VRK3: variants seen among roughly 807,000 people sequenced by gnomAD.
VRK3 encodes the protein serine/threonine-protein kinase VRK3.
In VRK3, 50 loss-of-function variants were observed where a neutral mutation model predicts 60.4. The ratio of observed to expected loss-of-function variants is 0.83; its 90% confidence interval spans 0.66 to 1.05. The LOEUF (loss-of-function observed/expected upper bound fraction) is 1.05, where lower values mean the gene tolerates loss of function less well. VRK3 is among the 50% of genes least tolerant of loss of function. The pLI is 0.00. For missense variants in VRK3, 549 were observed against 585.3 expected (o/e 0.94, Z 0.64); for synonymous variants, 246 against 227.8 (o/e 1.08, Z -0.72).
intron 12 of VRK3, 170 bp from the exon 13 acceptor site, chr19:49,981,183 T>C: frequency 1.5e-6 from 1 of 651,164 alleles, no homozygotes; most frequent in Non-Finnish European, 2.7e-6. Context: ...ACCAATCCAC[T>C]ACCATTGCTC....
intron 4 of VRK3, 60 bp downstream of exon 4, chr19:50,009,176 C>G (rs2076953705): frequency 6.4e-7 from 1 of 1,561,020 alleles, no homozygotes; most frequent in Non-Finnish European, 8.7e-7. Context: ...TCCCAAAGAT[C>G]ATCAGATGAC....
At chr19:49,983,399 C>T (rs1045602239) in intron 12 of VRK3, among the ~76,000 whole-genome samples, 12 of 152,342 alleles carry the variant, frequency 7.9e-5, no homozygotes, top group African/African-American at 1.4e-4. Flanking sequence ...CCCCTCCAGG[C>T]GGAGGAACTC....
At chr19:49,984,657 G>A (rs2076482419) in intron 12 of VRK3, among the ~76,000 whole-genome samples, 2 of 152,088 alleles carry the variant, frequency 1.3e-5, no homozygotes, top group African/African-American at 4.8e-5. Flanking sequence ...TTTTGAGACA[G>A]GGTCTCACTA....
intron 2 of VRK3, among the ~76,000 whole-genome samples, chr19:50,019,505 G>A (rs576751076): frequency 6.6e-6 from 1 of 151,554 alleles, no homozygotes; most frequent in Non-Finnish European, 1.5e-5. Context: ...TAGCCAGACT[G>A]TACACTTCTT....
At chr19:49,988,576 C>T (rs2076558110) in intron 11 of VRK3, 84 bp from the exon 12 acceptor site, 2 of 1,522,352 alleles carry the variant, frequency 1.3e-6, no homozygotes, top group Non-Finnish European at 1.8e-6. Flanking sequence ...TCCCCTCTCT[C>T]TCACTGACTC....
intron 7 of VRK3, among the ~76,000 whole-genome samples, chr19:49,995,955 G>T (rs750852890): frequency 6.6e-6 from 1 of 151,130 alleles, no homozygotes; most frequent in Non-Finnish European, 1.5e-5. Context: ...TGGAGTCTTC[G>T]TCTGTCACCA....
At chr19:49,997,876 C>T (rs146221406) in intron 6 of VRK3, 5 of 240,562 alleles carry the variant, frequency 2.1e-5, no homozygotes, top group Non-Finnish European at 3.2e-5. Flanking sequence ...TGACCAAGTT[C>T]TGGCCAATGA....
At chr19:50,009,093 G>A in intron 4 of VRK3, 143 bp downstream of exon 4, 1 of 996,584 alleles carries the variant, frequency 1.0e-6, no homozygotes, top group Non-Finnish European at 1.5e-6. Flanking sequence ...GGAGATGGGA[G>A]GCTGGGGAAG....
intron 14 of VRK3, among the ~76,000 whole-genome samples, chr19:49,977,920 G>A (rs768173649): frequency 3.9e-5 from 6 of 152,134 alleles, no homozygotes; most frequent in Non-Finnish European, 7.3e-5. Flanking sequence ...TCCACGAATC[G>A]CTTGACACAC....
At chr19:49,981,449 G>A (rs977916640) in intron 12 of VRK3, among the ~76,000 whole-genome samples, 2 of 152,206 alleles carry the variant, frequency 1.3e-5, no homozygotes, top group Non-Finnish European at 2.9e-5. Flanking sequence ...GGAGGCTGAG[G>A]CAGGAGAATG....
chr19:50,003,323 G>A (rs1212609708), intron 5 of VRK3, among the ~76,000 whole-genome samples: 2 of 152,238 alleles, frequency 1.3e-5, no homozygotes, highest in Non-Finnish European at 2.9e-5. Flanking sequence ...ATAAGCATGT[G>A]CTGTGTTAAA....
chr19:50,003,361 G>A (rs187182225), intron 5 of VRK3, among the ~76,000 whole-genome samples: 133 of 152,324 alleles, frequency 8.7e-4, no homozygotes, highest in Non-Finnish European at 1.5e-3. Context: ...TTGTTACAGC[G>A]GCCACAGGAA....
intron 1 of VRK3, among the ~76,000 whole-genome samples, chr19:50,022,638 A>G (rs2077189684): frequency 6.6e-6 from 1 of 151,780 alleles, no homozygotes; most frequent in African/African-American, 2.4e-5. Flanking sequence ...AAGTACAAAA[A>G]AAAAAATCAG....
In VRK3 at chr19:49,988,254, G is replaced by A. The variant is rs1294470495; in HGVS notation, c.1217+118C>T. 34 of 1,456,068 alleles carry A rather than the reference G, an allele frequency of 2.3e-5. No individual in the cohort carries two copies. In the Admixed American group the frequency reaches 6.7e-4, roughly 29 times the overall value. 90.2% of individuals were successfully genotyped at this position (1,456,068 alleles called of 1,614,324 possible). A position where few individuals can be genotyped will look rare whatever the true frequency, so the allele number is the denominator to read the frequency against. On this transcript the variant is annotated intron_variant, in intron 12 of 14. Transcript: ENST00000316763. ...CATGCCTGTGCGGCTCAGAGGACTT[G>A]GGCTCTGCTGGATGCCACCTCCCCT...
At chr19:50,023,016 A>G (rs2077195936) in intron 1 of VRK3, among the ~76,000 whole-genome samples, 1 of 151,962 alleles carries the variant, frequency 6.6e-6, no homozygotes, top group Non-Finnish European at 1.5e-5. Context: ...GCTTTTCCCC[A>G]ATCGTGACAA....
intron 3 of VRK3, among the ~76,000 whole-genome samples, chr19:50,014,162 G>A (rs1025357632): frequency 1.3e-5 from 2 of 152,102 alleles, no homozygotes; most frequent in African/African-American, 2.4e-5. Context: ...AACTACTCGG[G>A]AGACTGAGGC....
chr19:49,998,540 TAA>T (rs2076744849), intron 6 of VRK3: 1 of 151,688 alleles, frequency 6.6e-6, no homozygotes, highest in Non-Finnish European at 1.5e-5. Context: ...GCTGAGTTCT[TAA>T]GAGTATAGAG....
intron 12 of VRK3, among the ~76,000 whole-genome samples, chr19:49,984,220 G>A (rs753168343): frequency 1.3e-5 from 2 of 152,178 alleles, no homozygotes; most frequent in Non-Finnish European, 2.9e-5. Flanking sequence ...CTGGAGTTCA[G>A]AGGCACCATG....
intron 10 of VRK3, 37 bp from the exon 11 acceptor site, chr19:49,989,808 T>C (rs1221303481): frequency 6.4e-7 from 1 of 1,558,698 alleles, no homozygotes; most frequent in Non-Finnish European, 8.7e-7. Flanking sequence ...GATTGGAGGT[T>C]AGGAGCGTAG....
Sources: allele counts gnomAD v4.1 joint callset (sites outside exome capture counted in the v4.1 genomes callset), GRCh38; gene constraint gnomAD v4.1.1; transcripts MANE v1.5; gene names NCBI Gene and HGNC (gene_info 2026-07-23, HGNC 2026-07-21).